Variants in ELMO1 observed in about 807,000 individuals in gnomAD.
The protein encoded by ELMO1 is engulfment and cell motility protein 1.
ELMO1 carries 26 observed loss-of-function variants against 98.9 expected under a neutral mutation model. The observed-to-expected ratio is 0.26, with a 90% confidence interval of 0.19 to 0.36. The LOEUF (loss-of-function observed/expected upper bound fraction) is 0.36. Ranked by LOEUF, ELMO1 falls within the 10% of genes least tolerant of loss-of-function variation. ELMO1 has a pLI of 1.00. For synonymous variants in ELMO1, 346 were observed against 346.0 expected (o/e 1.00, Z 0.00); for missense variants, 627 against 935.2 (o/e 0.67, Z 4.30).
At chr7:37,248,438 T>G (rs1795141263) in intron 6 of ELMO1, among the ~76,000 whole-genome samples, 1 of 150,768 alleles carries the variant, frequency 6.6e-6, no homozygotes, top group Non-Finnish European at 1.5e-5. Flanking sequence ...GCAAAAGGAG[T>G]GAGGAGGGGG....
intron 14 of ELMO1, among the ~76,000 whole-genome samples, chr7:37,108,959 G>C (rs1377763176): frequency 6.6e-6 from 1 of 152,166 alleles, no homozygotes; most frequent in East Asian, 1.9e-4. Context: ...AGTCATCCCT[G>C]TCCTCCATAT....
chr7:37,168,686 G>A (rs568330224), intron 13 of ELMO1, among the ~76,000 whole-genome samples: 6 of 152,174 alleles, frequency 3.9e-5, no homozygotes, highest in South Asian at 2.1e-4. Flanking sequence ...CTGTCTAATC[G>A]TTCCTCTGGA....
chr7:37,215,720 G>A (rs35517277), intron 11 of ELMO1, among the ~76,000 whole-genome samples: 321 of 152,316 alleles, frequency 2.1e-3, no homozygotes, highest in Middle Eastern at 3.4e-3. Context: ...AAGGGCTCTC[G>A]CCCAGGTCTC....
chr7:36,875,020 C>G (rs116323904), intron 19 of ELMO1, among the ~76,000 whole-genome samples: 1 of 152,208 alleles, frequency 6.6e-6, no homozygotes, highest in Admixed American at 6.5e-5. Flanking sequence ...GTATTCAGCA[C>G]GGATTAACTC....
At chr7:37,165,192 G>A (rs1195351905) in intron 13 of ELMO1, among the ~76,000 whole-genome samples, 4 of 152,092 alleles carry the variant, frequency 2.6e-5, no homozygotes, top group African/African-American at 7.2e-5. Context: ...ATTTTGTATC[G>A]TGAGACTCTG....
chr7:37,000,682 C>A (rs1057053266), intron 16 of ELMO1, among the ~76,000 whole-genome samples: 1 of 152,114 alleles, frequency 6.6e-6, no homozygotes, highest in African/African-American at 2.4e-5. Context: ...AGTACCAGTC[C>A]CCTACATGGG....
chr7:37,096,853 C>T, intron 14 of ELMO1, 126 bp from the exon 15 acceptor site: 1 of 875,902 alleles, frequency 1.1e-6, no homozygotes, highest in Non-Finnish European at 1.8e-6. Context: ...ACTCTTGGGG[C>T]CAGGACAAAA....
rs74849769 is a variant in ELMO1 at position 37,183,764 on chromosome 7, A to G, written c.1086+27622T>C. Among the ~76,000 whole-genome samples the G allele has an allele frequency of 7.6e-3, 1,164 of 152,288 alleles. 10 individuals are homozygous for G. Among genetic ancestry groups the G allele is most frequent in the Non-Finnish European group, 0.012 (802 of 68,022 alleles). On this transcript the variant is annotated intron_variant, in intron 13 of 21. Transcript: ENST00000310758. Reference sequence around the variant, plus strand: ...AAAGAGAATAAGGTTTAGAAGATGAAAAGGTGGATAGAATTGTCCTATCTG... The same window carrying G: ...AAAGAGAATAAGGTTTAGAAGATGAGAAGGTGGATAGAATTGTCCTATCTG...
intron 15 of ELMO1, among the ~76,000 whole-genome samples, chr7:37,070,250 A>G (rs1797198500): frequency 6.6e-6 from 1 of 152,212 alleles, no homozygotes; most frequent in Non-Finnish European, 1.5e-5. Flanking sequence ...AGAGGAGCCC[A>G]TGCTGCTTAA....
intron 1 of ELMO1, among the ~76,000 whole-genome samples, chr7:37,345,160 T>C (rs868312376): frequency 3.3e-5 from 5 of 152,202 alleles, no homozygotes; most frequent in African/African-American, 1.2e-4. Flanking sequence ...CAGTGGTAAC[T>C]AGCAAGAGCA....
At chr7:37,324,398 T>A (rs1434644236) in intron 2 of ELMO1, among the ~76,000 whole-genome samples, 1 of 21,172 alleles carries the variant, frequency 4.7e-5, no homozygotes, top group African/African-American at 7.3e-5. Context: ...AAAATGGGCA[T>A]CACCCAGAAA....
chr7:37,327,053 T>C (rs556920149), intron 2 of ELMO1, among the ~76,000 whole-genome samples: 2 of 152,378 alleles, frequency 1.3e-5, no homozygotes, highest in African/African-American at 4.8e-5. Flanking sequence ...AATTTCCTTA[T>C]ATCTGACAGC....
At chr7:36,877,489 A>G (rs116270055) in intron 19 of ELMO1, among the ~76,000 whole-genome samples, 1,807 of 152,344 alleles carry the variant, frequency 0.012, 14 homozygotes, top group Middle Eastern at 0.051. Flanking sequence ...AATATACAAG[A>G]GAAATATTTA....
chr7:36,941,059 A>G (rs746637208), intron 16 of ELMO1, among the ~76,000 whole-genome samples: 2 of 152,230 alleles, frequency 1.3e-5, no homozygotes, highest in Non-Finnish European at 2.9e-5. Flanking sequence ...AATAATGTAA[A>G]TGAAATTCCA....
At chr7:36,876,258 G>C (rs534811107) in intron 19 of ELMO1, among the ~76,000 whole-genome samples, 1 of 152,112 alleles carries the variant, frequency 6.6e-6, no homozygotes, top group East Asian at 1.9e-4. Flanking sequence ...GTTTTTCAGA[G>C]GGCTAATTTA....
intron 14 of ELMO1, among the ~76,000 whole-genome samples, chr7:37,100,873 G>A (rs1360449863): frequency 6.6e-6 from 1 of 152,218 alleles, no homozygotes; most frequent in Non-Finnish European, 1.5e-5. Context: ...CCGCCAACTA[G>A]GATGAACTTG....
At chr7:37,242,899 A>G (rs1794827633) in intron 7 of ELMO1, among the ~76,000 whole-genome samples, 1 of 152,204 alleles carries the variant, frequency 6.6e-6, no homozygotes, top group South Asian at 2.1e-4. Context: ...TCTCAGAGAA[A>G]AAGCTTCAAA....
At chr7:37,073,557 T>C (rs150627483) in intron 15 of ELMO1, among the ~76,000 whole-genome samples, 32 of 151,700 alleles carry the variant, frequency 2.1e-4, no homozygotes, top group South Asian at 1.7e-3. Context: ...ATCTGGTTTT[T>C]ATTGTTGTTT....
intron 16 of ELMO1, among the ~76,000 whole-genome samples, chr7:36,910,334 G>C (rs1012703183): frequency 3.3e-5 from 5 of 152,216 alleles, no homozygotes; most frequent in Non-Finnish European, 5.9e-5. Flanking sequence ...AAATGAACAG[G>C]CTCTAGTGCC....
Sources: gnomAD v4.1 joint callset for allele counts (sites outside exome capture counted in the v4.1 genomes callset) on GRCh38, gnomAD v4.1.1 for gene constraint, MANE v1.5 for transcripts, NCBI Gene and HGNC (gene_info 2026-07-23, HGNC 2026-07-21) for gene names.